The following CYLD variants were observed in gnomAD, a reference collection of about 807,000 sequenced individuals.
The protein encoded by CYLD is ubiquitin carboxyl-terminal hydrolase CYLD.
CYLD carries 26 observed loss-of-function variants against 104.5 expected under a neutral mutation model. That is an observed-to-expected ratio of 0.25 (90% CI 0.18 to 0.35). CYLD has a LOEUF of 0.35. Among genes scored for constraint, CYLD ranks in the 10% least tolerant of loss-of-function variants. The probability of loss-of-function intolerance (pLI) is 1.00; values close to 1 mark genes in which losing one functional copy is unlikely to be tolerated. For missense variants in CYLD, 703 were observed against 1,136.1 expected (o/e 0.62, Z 5.48); for synonymous variants, 385 against 399.9 (o/e 0.96, Z 0.45).
rs1441023997 is a variant in CYLD, at chr16:50,784,464, C to G, written c.1949+13C>G. ...ATCCTCTGAGAATGTAAGTAGAAAA[C>G]AAATTGCTATTTTGCCTTTACATGG... On this transcript the variant is annotated intron_variant, in intron 12 of 18. Transcript: ENST00000427738. 5.6e-6 allele frequency: 9 copies of G among 1,611,306 alleles called. No individual in the cohort carries two copies. In the African/African-American group the frequency reaches 1.1e-4, roughly 19 times the overall value.
chr16:50,775,203 C>G (rs752886308), intron 6 of CYLD, 29 bp downstream of exon 6: 1 of 1,584,466 alleles, frequency 6.3e-7, no homozygotes, highest in Non-Finnish European at 8.6e-7. Context: ...GTGTTGGACT[C>G]CACGGATGTA....
chr16:50,792,807 C>T, intron 16 of CYLD, 102 bp downstream of exon 16: 1 of 672,194 alleles, frequency 1.5e-6, no homozygotes, highest in Admixed American at 2.6e-5. Flanking sequence ...CAGTATTTCC[C>T]AAGGCAATTC....
intron 14 of CYLD, among the ~76,000 whole-genome samples, 199 bp from the exon 15 acceptor site, chr16:50,791,359 C>A (rs1002091051): frequency 6.6e-6 from 1 of 152,198 alleles, no homozygotes; most frequent in Non-Finnish European, 1.5e-5. Flanking sequence ...CAAAATAAAT[C>A]ATTTATAAGG....
At chr16:50,782,838 G>A (rs1362779115) in intron 11 of CYLD, among the ~76,000 whole-genome samples, 1 of 149,178 alleles carries the variant, frequency 6.7e-6, no homozygotes, top group Admixed American at 6.7e-5. Context: ...TAAAACTACT[G>A]TCTTTAAAAA....
Position 50,780,030 on chromosome 16 carries a change from G to A in CYLD, c.1504G>A (p.Ala502Thr), listed in dbSNP as rs1162188229. ...GCCACCAGGACTGAATGAAGTGCTC[G>A]CTGGACTGGAACTGGTAATTTAACT... ...GQPPGLNEVL[A>T]GLELEDECAG... The change falls in exon 9 of 19, where the codon GCT becomes ACT. Residue 502 changes from alanine to threonine, a missense_variant. Physicochemically the swap from Ala to Thr is moderately conservative, Grantham distance 58 (BLOSUM62 0). Transcript: ENST00000427738. 1.9e-6 allele frequency: 3 copies of A among 1,613,950 alleles called. No individual in the cohort carries two copies. Among genetic ancestry groups the A allele is most frequent in the African/African-American group, 2.7e-5 (2 of 74,906 alleles).
At chr16:50,795,416 T>G in intron 18 of CYLD, 1 of 615,772 alleles carries the variant, frequency 1.6e-6, no homozygotes, top group East Asian at 2.8e-5. Context: ...TAGTGGGTTG[T>G]AGGTAAGAAA....
chr16:50,779,708 C>G lies in CYLD; in HGVS notation c.1182C>G (p.Asp394Glu). Residue 394 changes from aspartate to glutamate, a missense_variant, in exon 9 of 19, where the codon GAC becomes GAG. Asp to Glu is a conservative substitution (Grantham distance 45). This residue lies in a region of CYLD where 183 missense variants were observed against 212.1 expected (regional missense o/e 0.86). Transcript: ENST00000427738. ...AATCTCTTACAGAGATATCTACAGA[C>G]TTTGACCGTTCTTCACCACCACTCC... The part of the protein sequence containing the change: ...PAKSLTEIST[D>E]FDRSSPPLQP... 1 of 1,613,964 alleles carries G rather than the reference C, an allele frequency of 6.2e-7. No individual in the cohort carries two copies. Among genetic ancestry groups the G allele is most frequent in the South Asian group, 1.1e-5 (1 of 91,068 alleles).
intron 5 of CYLD, among the ~76,000 whole-genome samples, chr16:50,771,140 C>A (rs929685397): frequency 3.3e-5 from 5 of 150,908 alleles, no homozygotes; most frequent in Non-Finnish European, 7.4e-5. Context: ...TCATGGGAAC[C>A]CAGTACCCAT....
intron 5 of CYLD, among the ~76,000 whole-genome samples, chr16:50,764,684 C>T (rs550097362): frequency 3.3e-5 from 5 of 152,206 alleles, no homozygotes; most frequent in Admixed American, 6.5e-5. Flanking sequence ...GGTCTAAGCC[C>T]GTAGTTCTCA....
chr16:50,765,762 G>T (rs569831678), intron 5 of CYLD, among the ~76,000 whole-genome samples: 1 of 152,300 alleles, frequency 6.6e-6, no homozygotes, highest in East Asian at 1.9e-4. Context: ...TATGGAGAAA[G>T]GTTTAGTTAT....
At chr16:50,775,283 G>A (rs753312530) in intron 6 of CYLD, 109 bp downstream of exon 6, 7 of 858,376 alleles carry the variant, frequency 8.2e-6, no homozygotes, top group Middle Eastern at 2.2e-4. Flanking sequence ...GTATTTAGGA[G>A]TATTCTATGA....
chr16:50,782,366 C>T lies in CYLD; in HGVS notation c.1726C>T (p.Pro576Ser), dbSNP rs1970306165. ...YLSEVVEENTPPKMEKEGLEI... is the reference protein window; with the variant it reads ...YLSEVVEENTSPKMEKEGLEI... Reference sequence around the variant, plus strand: ...AAGTGAAGTAGTAGAAGAAAATACTCCACCAAAAATGGAAAAAGAAGGCTT... The same window carrying T: ...AAGTGAAGTAGTAGAAGAAAATACTTCACCAAAAATGGAAAAAGAAGGCTT... Residue 576 changes from proline (P) to serine (S), a missense_variant, in exon 11 of 19, where the codon CCA becomes TCA. This residue lies in a region of CYLD where 125 missense variants were observed against 325.4 expected (regional missense o/e 0.38). Coordinates refer to ENST00000427738, the MANE Select transcript of CYLD (RefSeq NM_001378743.1). 1 of 1,613,150 alleles carries T rather than the reference C, an allele frequency of 6.2e-7. No homozygotes were observed. Among genetic ancestry groups the T allele is most frequent in the Non-Finnish European group, 8.5e-7 (1 of 1,179,274 alleles).
chr16:50,758,776 A>G (rs1180090516), intron 5 of CYLD, among the ~76,000 whole-genome samples: 1 of 152,158 alleles, frequency 6.6e-6, no homozygotes, highest in East Asian at 1.9e-4. Context: ...GGGAAAGACA[A>G]CAGGAAGAGC....
Position 50,796,808 on chromosome 16 carries a change from T to C in CYLD, c.*300T>C. On this transcript the variant is annotated 3_prime_UTR_variant, in exon 19 of 19. Transcript: ENST00000427738. Reference sequence around the variant, plus strand: ...TGATCATATGATATTTTTGGAAGCATACAATTTTAATTGTGGAAGTTTAAA... The same window carrying C: ...TGATCATATGATATTTTTGGAAGCACACAATTTTAATTGTGGAAGTTTAAA... 2.5e-6 allele frequency: 1 copy of C among 404,562 alleles called. No individual in the cohort carries two copies. Among genetic ancestry groups the C allele is most frequent in the Non-Finnish European group, 4.6e-6 (1 of 218,048 alleles). The allele number at this position is 404,562 out of a possible 1,614,324, so 25.1% of individuals were successfully genotyped here.
chr16:50,749,162 ACTGC>A (rs1966431402), intron 2 of CYLD, among the ~76,000 whole-genome samples: 1 of 152,206 alleles, frequency 6.6e-6, no homozygotes, highest in Non-Finnish European at 1.5e-5. Context: ...TGATTGTGCC[ACTGC>A]AGTCCAGCAT....
At chr16:50,777,693 T>C in intron 7 of CYLD, 132 bp from the exon 8 acceptor site, 1 of 592,064 alleles carries the variant, frequency 1.7e-6, no homozygotes, top group Non-Finnish European at 3.1e-6. Flanking sequence ...AAAAAACATA[T>C]TGTGTTTATA....
At chr16:50,768,044 A>C (rs752030884) in intron 5 of CYLD, among the ~76,000 whole-genome samples, 4 of 152,188 alleles carry the variant, frequency 2.6e-5, no homozygotes, top group Non-Finnish European at 5.9e-5. Context: ...CTTGTCAGGC[A>C]CACTTTGATC....
At position 50,794,508 on chromosome 16, in the gene CYLD, C is replaced by G; in HGVS notation, c.2686+80C>G. On this transcript the variant is annotated intron_variant, in intron 18 of 18. Coordinates refer to ENST00000427738, the MANE Select transcript of CYLD (RefSeq NM_001378743.1). This position sits in a 1 kb window ranked among gnomAD's most constrained non-coding sequence, Gnocchi z 4.1. ...ACAGTTTGTAGTGGGATCGCCTGTT[C>G]TGAGTGATATTTTCTGAGAAAATCC... 1 of 1,294,168 alleles carries G rather than the reference C, an allele frequency of 7.7e-7. No individual in the cohort carries two copies. The highest frequency in any genetic ancestry group is 1.1e-6 in the Non-Finnish European group (1 of 892,308). 80.2% of individuals were successfully genotyped at this position (1,294,168 alleles called of 1,614,324 possible).
intron 2 of CYLD, among the ~76,000 whole-genome samples, chr16:50,743,779 C>T (rs953420553): frequency 6.6e-6 from 1 of 152,110 alleles, no homozygotes; most frequent in Non-Finnish European, 1.5e-5. Context: ...AACCTCAAAA[C>T]AACTTGGTTT....
Sources: allele counts gnomAD v4.1 joint callset (sites outside exome capture counted in the v4.1 genomes callset), GRCh38; gene constraint gnomAD v4.1.1; regional missense constraint gnomAD v4.1.1; non-coding constraint Gnocchi (gnomAD v3.1); transcripts MANE v1.5; gene names NCBI Gene and HGNC (gene_info 2026-07-23, HGNC 2026-07-21).